RNASET2: variants seen among roughly 807,000 people sequenced by gnomAD.
RNASET2 encodes ribonuclease 6.
A neutral mutation model predicts 33.9 loss-of-function variants in RNASET2; 28 were observed. The observed-to-expected ratio is 0.83, with a 90% CI of 0.61 to 1.13. The LOEUF (loss-of-function observed/expected upper bound fraction) is 1.13, where lower values mean the gene tolerates loss of function less well. Ranked by LOEUF, RNASET2 falls within the 50% of genes most tolerant of loss-of-function variation. The pLI, the probability that RNASET2 is intolerant of heterozygous loss-of-function variation, is 0.00. For synonymous variants in RNASET2, 123 were observed against 121.0 expected (o/e 1.02, Z -0.11); for missense variants, 330 against 319.9 (o/e 1.03, Z -0.24).
chr6:166,940,271 T>C (rs1778664086), intron 5 of RNASET2, among the ~76,000 whole-genome samples: 1 of 152,238 alleles, frequency 6.6e-6, no homozygotes, highest in Admixed American at 6.5e-5. Context: ...ATAAAGCACT[T>C]ATATGCAGTC....
chr6:166,942,188 G>T (rs1332394809), intron 5 of RNASET2, among the ~76,000 whole-genome samples: 1 of 151,564 alleles, frequency 6.6e-6, no homozygotes, highest in Non-Finnish European at 1.5e-5. Context: ...AAGTAGCTGG[G>T]ATTACAAGCG....
intron 2 of RNASET2, 80 bp downstream of exon 2, chr6:166,952,408 C>T: frequency 1.6e-6 from 2 of 1,263,412 alleles, no homozygotes; most frequent in Non-Finnish European, 2.3e-6. Context: ...AGCGTGGGTG[C>T]CCTGGACGGG....
At chr6:166,934,653 C>T (rs1024279030) in intron 6 of RNASET2, 1 of 185,892 alleles carries the variant, frequency 5.4e-6, no homozygotes, top group Non-Finnish European at 1.1e-5. Flanking sequence ...AAATCCTTAC[C>T]ATTGTGTTAC....
intron 1 of RNASET2, chr6:166,953,602 A>C (rs1779038705): frequency 6.6e-6 from 1 of 152,232 alleles, no homozygotes; most frequent in South Asian, 2.1e-4. Flanking sequence ...AAAGGAAAAA[A>C]GGGTTCAAGC....
intron 1 of RNASET2, chr6:166,953,127 G>C (rs1347151045): frequency 3.2e-5 from 6 of 188,834 alleles, no homozygotes; most frequent in African/African-American, 1.4e-4. Flanking sequence ...CTGTTAACTT[G>C]AACACGGTAT....
intron 5 of RNASET2, among the ~76,000 whole-genome samples, chr6:166,942,408 C>T (rs562362060): frequency 2.6e-5 from 4 of 152,160 alleles, no homozygotes; most frequent in South Asian, 2.1e-4. Context: ...GAAATATTCT[C>T]TCCTGTCTGA....
chr6:166,930,290 G>A (rs1399708111), intron 8 of RNASET2, among the ~76,000 whole-genome samples: 1 of 152,180 alleles, frequency 6.6e-6, no homozygotes, highest in East Asian at 1.9e-4. Context: ...CTCACACACA[G>A]CACATGCTCA....
chr6:166,955,170 G>A (rs1470640705), intron 1 of RNASET2, among the ~76,000 whole-genome samples: 2 of 123,728 alleles, frequency 1.6e-5, no homozygotes, highest in African/African-American at 3.2e-5. Flanking sequence ...TAATTTGGGC[G>A]GCTGCCACAC....
At chr6:166,936,655 C>A (rs962234056) in intron 6 of RNASET2, among the ~76,000 whole-genome samples, 5 of 152,172 alleles carry the variant, frequency 3.3e-5, no homozygotes, top group Admixed American at 2.0e-4. Flanking sequence ...AACTCGCTCA[C>A]CCCTGCAAGG....
Position 166,956,353 on chromosome 6 carries a change from A to C in RNASET2, c.-171T>G, listed in dbSNP as rs1356924710. 2 of 631,430 alleles carry C rather than the reference A, an allele frequency of 3.2e-6. No individual in the cohort carries two copies. The allele number at this position is 631,430 out of a possible 1,614,324, so 39.1% of individuals were successfully genotyped here. A position where few individuals can be genotyped will look rare whatever the true frequency, so the allele number is the denominator to read the frequency against. The stretch of plus-strand genomic sequence containing the variant: ...GCGCCCGGAGCCCTGGGACGGCCTA[A>C]ACCAGTATCTCGCGGGCCCCGCGCC... On this transcript the variant is annotated 5_prime_UTR_variant, in exon 1 of 9. Coordinates refer to ENST00000508775, the MANE Select transcript of RNASET2 (RefSeq NM_003730.6).
At chr6:166,944,610 C>T (rs1778783324) in intron 4 of RNASET2, among the ~76,000 whole-genome samples, 1 of 151,998 alleles carries the variant, frequency 6.6e-6, no homozygotes, top group African/African-American at 2.4e-5. Flanking sequence ...GTTCCTACTG[C>T]TACACAACAA....
intron 5 of RNASET2, among the ~76,000 whole-genome samples, chr6:166,941,912 T>C (rs913493341): frequency 2.6e-5 from 4 of 152,224 alleles, no homozygotes; most frequent in African/African-American, 9.6e-5. Flanking sequence ...TATCTTGAAT[T>C]CAACATGGCG....
chr6:166,954,317 G>A (rs1779055784), intron 1 of RNASET2, among the ~76,000 whole-genome samples: 2 of 152,194 alleles, frequency 1.3e-5, no homozygotes, highest in South Asian at 4.1e-4. Flanking sequence ...CATATCAGTT[G>A]CATGAATTAT....
chr6:166,948,749 T>C, intron 2 of RNASET2, 124 bp from the exon 3 acceptor site: 1 of 723,244 alleles, frequency 1.4e-6, no homozygotes, highest in Non-Finnish European at 2.5e-6. Flanking sequence ...GGTACTGCAC[T>C]AATAACACAA....
chr6:166,946,709 C>T lies in RNASET2; in HGVS notation c.234G>A (p.Ser78=), dbSNP rs772914058. The change falls in exon 4 of 9, where the codon TCG becomes TCA. Residue 78 remains serine, a synonymous_variant. Coordinates refer to ENST00000508775, the MANE Select transcript of RNASET2 (RefSeq NM_003730.6). ...WPDKSEGCNR[S]WPFNLEEIKD... ...TAATCTCTTCTAAATTGAAGGGCCA[C>T]GATCTATTACATCCTTCACTTTTAT... 8.3e-6 allele frequency: 13 copies of T among 1,565,298 alleles called. No homozygotes were observed. Among genetic ancestry groups the T allele is most frequent in the Admixed American group, 5.2e-5 (3 of 57,664 alleles).
intron 5 of RNASET2, among the ~76,000 whole-genome samples, chr6:166,940,250 T>C (rs1275156674): frequency 6.6e-6 from 1 of 152,272 alleles, no homozygotes; most frequent in African/African-American, 2.4e-5. Flanking sequence ...ATAACATTCA[T>C]GCAACCACTT....
intron 4 of RNASET2, chr6:166,945,250 G>T: frequency 6.3e-6 from 1 of 158,094 alleles, no homozygotes; most frequent in Non-Finnish European, 1.4e-5. Context: ...TGCTAACTAT[G>T]CCTAAAGCCA....
rs181130555 is a variant in RNASET2 at position 166,943,532 on chromosome 6, T to G, written c.262-443A>C. On this transcript the variant is annotated intron_variant, in intron 4 of 8. Coordinates refer to ENST00000508775, the MANE Select transcript of RNASET2 (RefSeq NM_003730.6). ...GACAGGAATGAGATTCGCGGTTGCT[T>G]GGGGGTTCAAGGGGAGGAAGAAGGG... is the stretch of plus-strand genomic sequence containing the variant. 5 of 312,918 alleles carry G rather than the reference T, an allele frequency of 1.6e-5. No homozygotes were observed. In the East Asian group the frequency reaches 4.0e-4, roughly 25 times the overall value. The allele number at this position is 312,918 out of a possible 1,614,324, so 19.4% of individuals were successfully genotyped here.
rs568390428 is a variant in RNASET2, at chr6:166,923,155, C to T, written c.*6433G>A. The stretch of plus-strand genomic sequence containing the variant: ...CAGGCTGGAGGGTGGAGCGCAGTGG[C>T]GCAATCTCCACTCACTGCAACCTCC... On this transcript the variant is annotated 3_prime_UTR_variant, in exon 9 of 9. Transcript: ENST00000508775. Among the ~76,000 whole-genome samples, 167 of 151,706 alleles carry T rather than the reference C, an allele frequency of 1.1e-3. 1 individual carries two copies. Among genetic ancestry groups the T allele is most frequent in the African/African-American group, 3.8e-3 (156 of 41,294 alleles).
Sources: allele counts gnomAD v4.1 joint callset (sites outside exome capture counted in the v4.1 genomes callset), GRCh38; gene constraint gnomAD v4.1.1; transcripts MANE v1.5; gene names NCBI Gene and HGNC (gene_info 2026-07-23, HGNC 2026-07-21).